The following SEPTIN7 variants were observed in gnomAD, a reference collection of about 807,000 sequenced individuals.
SEPTIN7 encodes the protein septin 7.
SEPTIN7 carries 10 observed loss-of-function variants against 63.3 expected under a neutral mutation model. The ratio of observed to expected loss-of-function variants is 0.16; its 90% CI spans 0.10 to 0.27. SEPTIN7 has a LOEUF of 0.27. Among genes scored for constraint, SEPTIN7 ranks in the 10% least tolerant of loss-of-function variants. SEPTIN7 has a pLI of 1.00. For synonymous variants in SEPTIN7, 131 were observed against 165.3 expected (o/e 0.79, Z 1.59); for missense variants, 310 against 521.0 (o/e 0.59, Z 3.94).
intron 10 of SEPTIN7, chr7:35,888,823 C>CAAAA (rs70974780): frequency 3.4e-3 from 645 of 187,516 alleles, no homozygotes; most frequent in East Asian, 6.3e-3. Flanking sequence ...GACCCTGTAT[C>CAAAA]AAAAAAAAAA....
chr7:35,875,022 A>G lies in SEPTIN7; in HGVS notation c.512+1247A>G, dbSNP rs541815995. ...GAAATCTTAACCTGCATTTAAGTCA[A>G]TAAAACTTGTCAGCTTATAACCAAT... is the stretch of plus-strand genomic sequence containing the variant. On this transcript the variant is annotated intron_variant, in intron 6 of 13. Transcript: ENST00000350320. Among the ~76,000 whole-genome samples the G allele has an allele frequency of 5.9e-5, 9 of 152,308 alleles. No homozygotes were observed. In the South Asian group the frequency reaches 1.7e-3, roughly 28 times the overall value.
intron 1 of SEPTIN7, among the ~76,000 whole-genome samples, chr7:35,803,849 T>C (rs1788158916): frequency 6.6e-6 from 1 of 152,250 alleles, no homozygotes; most frequent in South Asian, 2.1e-4. Flanking sequence ...TTTAGTTCGC[T>C]ATATGAGAGC....
rs1788599655 is a variant in SEPTIN7, at chr7:35,906,168, G to C, written c.*1875G>C. 1 of 152,156 alleles carries C rather than the reference G, an allele frequency of 6.6e-6. No homozygotes were observed. Among genetic ancestry groups the C allele is most frequent in the African/African-American group, 2.4e-5 (1 of 41,438 alleles). 9.4% of individuals were successfully genotyped at this position (152,156 alleles called of 1,614,324 possible). ...ATAGACTGCCTGCTGAACTGGTTAAGTACTACTGCTTCTGGGAAATACTAT... is the reference window on the plus strand; with the variant it reads ...ATAGACTGCCTGCTGAACTGGTTAACTACTACTGCTTCTGGGAAATACTAT... On this transcript the variant is annotated 3_prime_UTR_variant, in exon 14 of 14. Transcript: ENST00000350320.
rs1425487570 is a variant in SEPTIN7, at chr7:35,906,906, G to A, written c.*2613G>A. The A allele has an allele frequency of 6.6e-6, 1 of 152,230 alleles. No individual in the cohort carries two copies. Among genetic ancestry groups the A allele is most frequent in the Admixed American group, 6.5e-5 (1 of 15,278 alleles). 9.4% of individuals were successfully genotyped at this position (152,230 alleles called of 1,614,324 possible). On this transcript the variant is annotated 3_prime_UTR_variant, in exon 14 of 14. Coordinates refer to ENST00000350320, the MANE Select transcript of SEPTIN7 (RefSeq NM_001788.6). ...GACGGCTTGATAGCTATGAATGCAT[G>A]AGGAGCGAAATGTTGACTCAGTTAT...
intron 1 of SEPTIN7, among the ~76,000 whole-genome samples, chr7:35,824,286 T>C (rs564105215): frequency 6.6e-6 from 1 of 152,298 alleles, no homozygotes; most frequent in African/African-American, 2.4e-5. Flanking sequence ...TTGAGGGGGC[T>C]GCTACAGTTG....
intron 11 of SEPTIN7, among the ~76,000 whole-genome samples, chr7:35,893,268 A>T (rs898780013): frequency 3.9e-5 from 6 of 152,048 alleles, no homozygotes; most frequent in East Asian, 1.9e-4. Context: ...GGTAGTGGGG[A>T]GGGGTTGAGA....
At position 35,906,204 on chromosome 7, in the gene SEPTIN7, TA is replaced by T. The variant is rs1788601193; in HGVS notation, c.*1912del. The T allele has an allele frequency of 6.6e-6, 1 of 152,244 alleles. No individual in the cohort carries two copies. 9.4% of individuals were successfully genotyped at this position (152,244 alleles called of 1,614,324 possible). A position where few individuals can be genotyped will look rare whatever the true frequency, so the allele number is the denominator to read the frequency against. ...TCTGGGAAATACTATTTCAAAATTC[TA>T]TGTATTATAATAATAAATTTGTAAG... On this transcript the variant is annotated 3_prime_UTR_variant, in exon 14 of 14. Coordinates refer to ENST00000350320, the MANE Select transcript of SEPTIN7 (RefSeq NM_001788.6).
chr7:35,896,480 C>A (rs192942908), intron 11 of SEPTIN7, among the ~76,000 whole-genome samples: 199 of 152,224 alleles, frequency 1.3e-3, no homozygotes, highest in Middle Eastern at 6.8e-3. Flanking sequence ...CCGGAAGAAT[C>A]CTGGCAAACA....
At chr7:35,852,125 A>G in intron 3 of SEPTIN7, among the ~76,000 whole-genome samples, 1 of 152,178 alleles carries the variant, frequency 6.6e-6, no homozygotes. Flanking sequence ...ACTACCTATT[A>G]CTGATATTCA....
At chr7:35,913,694 G>A in the SEPTIN7 span, among the ~76,000 whole-genome samples, 3,032 of 151,928 alleles carry the variant, frequency 0.02, 51 homozygotes, top group Non-Finnish European at 0.031. Context: ...CAGCTCAAGC[G>A]ATCCTCCAAC....
At position 35,849,380 on chromosome 7, in the gene SEPTIN7, G is replaced by A. The variant is rs539312787; in HGVS notation, c.170-14172G>A. Among the ~76,000 whole-genome samples, 71 of 152,164 alleles carry A rather than the reference G, an allele frequency of 4.7e-4. 1 individual carries two copies. The highest frequency in any genetic ancestry group is 6.2e-4 in the South Asian group (3 of 4,814). On this transcript the variant is annotated intron_variant, in intron 3 of 13. Coordinates refer to ENST00000350320, the MANE Select transcript of SEPTIN7 (RefSeq NM_001788.6). ...GGCATTATATTCTTATAAGGAGGAC[G>A]CAACCTAGATCCCTCACATGTGCAG...
chr7:35,914,645 C>G, the SEPTIN7 span, among the ~76,000 whole-genome samples: 5 of 54,928 alleles, frequency 9.1e-5, no homozygotes, highest in Admixed American at 3.9e-4. Context: ...GTCCCTCTCT[C>G]TCTCTCTCTC....
intron 10 of SEPTIN7, among the ~76,000 whole-genome samples, chr7:35,888,361 T>G (rs1461918616): frequency 6.6e-6 from 1 of 152,190 alleles, no homozygotes; most frequent in Admixed American, 6.5e-5. Flanking sequence ...AAAGAAAAAT[T>G]ATTCATTATC....
intron 9 of SEPTIN7, among the ~76,000 whole-genome samples, chr7:35,884,634 A>G (rs1490319343): frequency 6.6e-6 from 1 of 152,198 alleles, no homozygotes; most frequent in Non-Finnish European, 1.5e-5. Context: ...TCAGATGGTC[A>G]TGGACCCTCA....
intron 1 of SEPTIN7, chr7:35,812,058 C>A: frequency 4.0e-6 from 1 of 247,874 alleles, no homozygotes. Flanking sequence ...ACCTAGGAGG[C>A]AGAGGTTGCC....
At chr7:35,888,478 G>A (rs1413021703) in intron 10 of SEPTIN7, among the ~76,000 whole-genome samples, 2 of 151,756 alleles carry the variant, frequency 1.3e-5, no homozygotes, top group East Asian at 1.9e-4. Flanking sequence ...TCTTCCTTAG[G>A]ACCTTTAACG....
At chr7:35,832,498 G>A (rs1158518497) in intron 2 of SEPTIN7, among the ~76,000 whole-genome samples, 4 of 151,934 alleles carry the variant, frequency 2.6e-5, no homozygotes, top group East Asian at 3.8e-4. Context: ...TAGTTGGTTG[G>A]TCAATCATCT....
chr7:35,889,210 A>G (rs575674508), intron 10 of SEPTIN7, among the ~76,000 whole-genome samples: 1 of 152,350 alleles, frequency 6.6e-6, no homozygotes, highest in South Asian at 2.1e-4. Flanking sequence ...ATTAGCATGA[A>G]CTGTTCAGTG....
chr7:35,840,033 A>G (rs918751565), intron 3 of SEPTIN7, among the ~76,000 whole-genome samples: 9 of 152,122 alleles, frequency 5.9e-5, no homozygotes, highest in African/African-American at 9.7e-5. Flanking sequence ...TATTAGATCA[A>G]AGTATTTGAA....
Sources: gnomAD v4.1 joint callset for allele counts (sites outside exome capture counted in the v4.1 genomes callset) on GRCh38, gnomAD v4.1.1 for gene constraint, MANE v1.5 for transcripts, NCBI Gene and HGNC (gene_info 2026-07-23, HGNC 2026-07-21) for gene names.